SUPT3H: variants seen among roughly 807,000 people sequenced by gnomAD.
SUPT3H encodes the protein SPT3 homolog, SAGA and STAGA complex component, also known as transcription initiation protein SPT3 homolog.
In SUPT3H, 44 loss-of-function variants were observed where a neutral mutation model predicts 44.3. The observed-to-expected ratio is 0.99, with a 90% confidence interval of 0.78 to 1.28. SUPT3H has a LOEUF of 1.28. SUPT3H is among the 50% of genes most tolerant of loss of function. The pLI is 0.00. For missense variants in SUPT3H, 380 were observed against 387.1 expected, an observed-to-expected ratio of 0.98 and a Z score of 0.15; for synonymous variants, 124 against 125.6, an observed-to-expected ratio of 0.99 and a Z score of 0.09.
intron 1 of SUPT3H, among the ~76,000 whole-genome samples, chr6:45,374,771 A>G (rs949290932): frequency 3.9e-5 from 6 of 152,246 alleles, no homozygotes; most frequent in Non-Finnish European, 8.8e-5. Flanking sequence ...GAGGGAACCA[A>G]AACTCAAGCT....
At chr6:44,879,152 G>C (rs915809055) in intron 10 of SUPT3H, among the ~76,000 whole-genome samples, 11 of 152,214 alleles carry the variant, frequency 7.2e-5, no homozygotes, top group African/African-American at 2.7e-4. Flanking sequence ...CCCCCATGGA[G>C]CCCAGCAAGC....
In SUPT3H at chr6:44,879,489, G is replaced by A. The variant is rs1263446480; in HGVS notation, c.913-49632C>T. On this transcript the variant is annotated intron_variant, in intron 10 of 10. Coordinates refer to ENST00000371459, the MANE Select transcript of SUPT3H (RefSeq NM_003599.4). ...AGAGCATCTAGGGGAAGGGGTGGAT[G>A]TGGGCACAGCTTCAGCAGACATAAA... Among the ~76,000 whole-genome samples, 3 of 152,332 alleles carry A rather than the reference G, an allele frequency of 2.0e-5. No homozygotes were observed. In the East Asian group the frequency reaches 5.8e-4, roughly 29 times the overall value.
At chr6:44,885,184 G>A (rs1289662468) in intron 10 of SUPT3H, among the ~76,000 whole-genome samples, 1 of 152,196 alleles carries the variant, frequency 6.6e-6, no homozygotes. Flanking sequence ...ACCTCTGCGG[G>A]CAGGGCACAG....
chr6:45,090,418 A>AT (rs1796992496), intron 3 of SUPT3H, among the ~76,000 whole-genome samples: 1 of 152,042 alleles, frequency 6.6e-6, no homozygotes, highest in African/African-American at 2.4e-5. Flanking sequence ...AGAACAAATA[A>AT]ATTAGATATG....
intron 9 of SUPT3H, among the ~76,000 whole-genome samples, chr6:44,946,287 T>G (rs1773331267): frequency 6.6e-6 from 1 of 152,238 alleles, no homozygotes; most frequent in African/African-American, 2.4e-5. Flanking sequence ...AAATCCATTC[T>G]GCAGCACAGT....
At chr6:45,249,872 C>T (rs1203103556) in intron 2 of SUPT3H, among the ~76,000 whole-genome samples, 1 of 151,998 alleles carries the variant, frequency 6.6e-6, no homozygotes, top group Non-Finnish European at 1.5e-5. Flanking sequence ...ATCTACATAC[C>T]AATTTATGAG....
chr6:45,322,795 C>T, intron 2 of SUPT3H: 1 of 977,822 alleles, frequency 1.0e-6, no homozygotes, highest in Non-Finnish European at 1.7e-6. Flanking sequence ...TGTGGTCTCG[C>T]CCATATATTT....
intron 2 of SUPT3H, among the ~76,000 whole-genome samples, chr6:45,307,568 A>G (rs1043555466): frequency 1.3e-5 from 2 of 152,230 alleles, no homozygotes; most frequent in African/African-American, 2.4e-5. Flanking sequence ...CTGACTGTTA[A>G]AAGGAAAACT....
At chr6:44,866,587 C>T (rs1451352707) in intron 10 of SUPT3H, among the ~76,000 whole-genome samples, 1 of 151,660 alleles carries the variant, frequency 6.6e-6, no homozygotes. Context: ...TTCTAGTGCC[C>T]AACTCCTTTT....
chr6:45,150,879 T>C (rs1806857805), intron 2 of SUPT3H, among the ~76,000 whole-genome samples: 2 of 152,086 alleles, frequency 1.3e-5, no homozygotes, highest in African/African-American at 4.8e-5. Context: ...TGCGCCACCA[T>C]GCCCGGCTAG....
At chr6:45,016,059 A>C (rs1784217620) in intron 4 of SUPT3H, among the ~76,000 whole-genome samples, 1 of 152,088 alleles carries the variant, frequency 6.6e-6, no homozygotes, top group Admixed American at 6.6e-5. Flanking sequence ...ACAAGTAACA[A>C]TCATTTATTA....
At chr6:45,329,518 A>C (rs1008449420) in intron 2 of SUPT3H, among the ~76,000 whole-genome samples, 3 of 152,054 alleles carry the variant, frequency 2.0e-5, no homozygotes, top group Non-Finnish European at 2.9e-5. Flanking sequence ...TTAATTTTAC[A>C]TCTACACACT....
chr6:45,150,489 G>C (rs1267947359), intron 2 of SUPT3H, among the ~76,000 whole-genome samples: 1 of 152,002 alleles, frequency 6.6e-6, no homozygotes, highest in Admixed American at 6.6e-5. Flanking sequence ...CACAAAATGA[G>C]ATATTTTTCT....
chr6:45,183,007 G>A (rs1385412973), intron 2 of SUPT3H, among the ~76,000 whole-genome samples: 1 of 152,152 alleles, frequency 6.6e-6, no homozygotes, highest in African/African-American at 2.4e-5. Flanking sequence ...AGACATACAT[G>A]GGTATTTGTA....
rs188230693 is a variant in SUPT3H, at chr6:45,268,253, T to G, written c.101+96948A>C. ...ATCTTGTAATTACAATTCACACTTT[T>G]AGAAATTAAAAAGGGGTGCGTGTGG... On this transcript the variant is annotated intron_variant, in intron 2 of 10. Transcript: ENST00000371459. 7.9e-5 allele frequency among the ~76,000 whole-genome samples: 12 copies of G among 152,258 alleles called. No individual in the cohort carries two copies. The East Asian group carries it at 2.3e-3, about 29-fold the overall frequency.
chr6:45,114,988 G>A (rs1349559960), intron 2 of SUPT3H, among the ~76,000 whole-genome samples: 1 of 152,106 alleles, frequency 6.6e-6, no homozygotes, highest in Non-Finnish European at 1.5e-5. Context: ...CATCTATTAA[G>A]CCTCCAAAAC....
chr6:45,245,552 T>G (rs1437033326), intron 2 of SUPT3H, among the ~76,000 whole-genome samples: 1 of 152,112 alleles, frequency 6.6e-6, no homozygotes, highest in Non-Finnish European at 1.5e-5. Flanking sequence ...TCCTTTTAGG[T>G]CTGCTTTATT....
chr6:44,914,961 G>A (rs995194873), intron 10 of SUPT3H, among the ~76,000 whole-genome samples: 2 of 152,150 alleles, frequency 1.3e-5, no homozygotes, highest in African/African-American at 2.4e-5. Flanking sequence ...CAAAGTCAAG[G>A]AAGTAAGAAA....
At chr6:45,063,144 T>TCCCTGAC (rs1389971300) in intron 3 of SUPT3H, among the ~76,000 whole-genome samples, 6 of 145,070 alleles carry the variant, frequency 4.1e-5, no homozygotes, top group Admixed American at 6.9e-5. Context: ...CTCAAGTGGG[T>TCCCTGAC]CCCTGACCCC....
Sources: gnomAD v4.1 joint callset for allele counts (sites outside exome capture counted in the v4.1 genomes callset) on GRCh38, gnomAD v4.1.1 for gene constraint, MANE v1.5 for transcripts, NCBI Gene and HGNC (gene_info 2026-07-23, HGNC 2026-07-21) for gene names.